QRICH2: variants seen among roughly 807,000 people sequenced by gnomAD.
QRICH2 encodes glutamine rich 2.
In QRICH2, 119 loss-of-function variants were observed where a neutral mutation model predicts 168.3. The ratio of observed to expected loss-of-function variants is 0.71; its 90% CI spans 0.61 to 0.82. The LOEUF (loss-of-function observed/expected upper bound fraction) is 0.82, where lower values mean the gene tolerates loss of function less well. QRICH2 is among the 40% of genes least tolerant of loss of function. QRICH2 has a pLI of 0.00. For synonymous variants in QRICH2, 894 were observed against 951.2 expected (o/e 0.94, Z 1.11); for missense variants, 2,241 against 2,491.6 (o/e 0.90, Z 2.14).
chr17:76,287,239 C>T lies in QRICH2; in HGVS notation c.3964G>A (p.Ala1322Thr), dbSNP rs1264330588. 7 of 1,614,004 alleles carry T rather than the reference C, an allele frequency of 4.3e-6. No homozygotes were observed. Among genetic ancestry groups the T allele is most frequent in the Non-Finnish European group, 5.9e-6 (7 of 1,180,016 alleles). The change falls in exon 7 of 19, where the codon GCC becomes ACC. Residue 1322 changes from alanine (A) to threonine (T), a missense_variant. Physicochemically the swap from Ala to Thr is moderately conservative, Grantham distance 58. Coordinates refer to ENST00000680821, the MANE Select transcript of QRICH2 (RefSeq NM_001388453.1). ...LRESQDRGKA[A>T]MENSVSEASL... is the part of the protein sequence containing the mutation. ...GCTTCAGAGACAGAATTTTCCATGGCAGCCTTGCCCCTGTCTTGGCTCTCC... is the reference window on the plus strand; with the variant it reads ...GCTTCAGAGACAGAATTTTCCATGGTAGCCTTGCCCCTGTCTTGGCTCTCC...
Position 76,293,266 on chromosome 17 carries a change from T to G in QRICH2, c.1461A>C (p.Pro487=), listed in dbSNP as rs149339101. 283 of 1,613,938 alleles carry G rather than the reference T, an allele frequency of 1.8e-4. No homozygotes were observed. Among genetic ancestry groups the G allele is most frequent in the Middle Eastern group, 4.9e-4 (3 of 6,084 alleles). ...CACATCCACGCTGATCCATGCCAAG[T>G]GGTTCCATACTGCGTTGGTCTGTGC... ...FPGTDQRSME[P]LGMDQRGCVI... Residue 487 remains proline (P), a synonymous_variant, in exon 4 of 19, where the codon CCA becomes CCC. Transcript: ENST00000680821.
intron 5 of QRICH2, among the ~76,000 whole-genome samples, chr17:76,288,691 C>A (rs541620450): frequency 6.6e-6 from 1 of 151,308 alleles, no homozygotes; most frequent in Non-Finnish European, 1.5e-5. Flanking sequence ...GGCAACAGAG[C>A]GAGACTCCGT....
Position 76,291,920 on chromosome 17 carries a change from G to A in QRICH2, c.2807C>T (p.Ala936Val), listed in dbSNP as rs1466180710. 6.2e-7 allele frequency: 1 copy of A among 1,614,050 alleles called. No homozygotes were observed. Among genetic ancestry groups the A allele is most frequent in the South Asian group, 1.1e-5 (1 of 91,080 alleles). The stretch of plus-strand genomic sequence containing the variant: ...AGGTTGTACCAAACCAAGAGGATAG[G>A]CACCAGGTTGTACCAGGCCATGTGG... Reference protein sequence around the residue: ...ADPHGLVQPGAYPLGLVQPGA... With the variant: ...ADPHGLVQPGVYPLGLVQPGA... Residue 936 changes from alanine to valine, a missense_variant, in exon 4 of 19, where the codon GCC becomes GTC. Physicochemically the swap from Ala to Val is moderately conservative, Grantham distance 64. Transcript: ENST00000680821.
At position 76,280,438 on chromosome 17, in the gene QRICH2, C is replaced by T; in HGVS notation, c.4475G>A (p.Ser1492Asn). The T allele has an allele frequency of 6.2e-7, 1 of 1,613,932 alleles. No individual in the cohort carries two copies. The highest frequency in any genetic ancestry group is 8.5e-7 in the Non-Finnish European group (1 of 1,179,936). ...ACGGCTCACTTTGGTGGCCAGAGCA[C>T]TCTTGTCGGCTTTCTGCCCAGAGAC... Reference protein sequence around the residue: ...EMEIDVKADKSALATKVSRVQ... With the variant: ...EMEIDVKADKNALATKVSRVQ... The change falls in exon 11 of 19, where the codon AGT (serine) becomes AAT (asparagine). Residue 1492 changes from serine to asparagine, a missense_variant. By Grantham distance (46) the Ser-to-Asn change is conservative (BLOSUM62 1). This residue lies in a region of QRICH2 where 2,047 missense variants were observed against 2,303.8 expected (regional missense o/e 0.89). Transcript: ENST00000680821. The surrounding 1 kb of genome is among the most constrained non-coding windows in gnomAD (Gnocchi z 7.4).
At chr17:76,301,723 GAC>G (rs2070903917) in intron 3 of QRICH2, among the ~76,000 whole-genome samples, 1 of 39,362 alleles carries the variant, frequency 2.5e-5, no homozygotes, top group Non-Finnish European at 4.0e-5. Context: ...TTTTTTTTGA[GAC>G]AGGGTCTCAC....
Position 76,280,037 on chromosome 17 carries a change from G to T in QRICH2, c.4744C>A (p.Arg1582=). The T allele has an allele frequency of 1.2e-6, 2 of 1,609,482 alleles. No homozygotes were observed. The highest frequency in any genetic ancestry group is 8.5e-7 in the Non-Finnish European group (1 of 1,177,878). The change falls in exon 12 of 19, where the codon CGG becomes AGG. Residue 1582 remains arginine, a synonymous_variant. Coordinates refer to ENST00000680821, the MANE Select transcript of QRICH2 (RefSeq NM_001388453.1). This position sits in a 1 kb window ranked among gnomAD's most constrained non-coding sequence, Gnocchi z 7.4. ...CCCCTGCCTCCCAGGCCTCACCTCC[G>T]CATGGCAGCCGCCTCGTCTGCCTGG... is the stretch of plus-strand genomic sequence containing the variant. The part of the protein sequence containing the change: ...LYQADEAAAM[R]RQLLAHFHCL...
chr17:76,292,331 C>A lies in QRICH2; in HGVS notation c.2396G>T (p.Arg799Leu). Residue 799 changes from arginine to leucine, a missense_variant, in exon 4 of 19, where the codon CGT (arginine) becomes CTT (leucine). Coordinates refer to ENST00000680821, the MANE Select transcript of QRICH2 (RefSeq NM_001388453.1). The part of the protein sequence containing the change: ...RSLVQPGIVQ[R>L]GLVQPGAVQR... The stretch of plus-strand genomic sequence containing the variant: ...AACTGCACCAGGTTGCACCAAACCA[C>A]GCTGAACTATACCAGGTTGCACCAA... 1 of 772,692 alleles carries A rather than the reference C, an allele frequency of 1.3e-6. No individual in the cohort carries two copies. Among genetic ancestry groups the A allele is most frequent in the Non-Finnish European group, 1.6e-6 (1 of 606,936 alleles). The allele number at this position is 772,692 out of a possible 1,614,324, so 47.9% of individuals were successfully genotyped here.
intron 1 of QRICH2, 94 bp from the exon 2 acceptor site, chr17:76,305,035 ACT>A (rs2070969903): frequency 9.5e-6 from 8 of 845,042 alleles, no homozygotes. Flanking sequence ...ACACTCTCAC[ACT>A]CAGACACACA....
intron 3 of QRICH2, among the ~76,000 whole-genome samples, chr17:76,298,345 AT>A (rs1347545212): frequency 1.4e-5 from 2 of 146,414 alleles, no homozygotes; most frequent in East Asian, 2.1e-4. Context: ...CGCCCGGATA[AT>A]TTTTTTGTAT....
chr17:76,297,381 C>G (rs2070813670), intron 3 of QRICH2, among the ~76,000 whole-genome samples: 1 of 152,126 alleles, frequency 6.6e-6, no homozygotes, highest in Admixed American at 6.6e-5. Context: ...GTGGCACACA[C>G]CTGTAATCCC....
At chr17:76,275,450 C>T (rs906389327) in intron 18 of QRICH2, among the ~76,000 whole-genome samples, 3 of 152,164 alleles carry the variant, frequency 2.0e-5, no homozygotes, top group East Asian at 1.9e-4. Flanking sequence ...ATGACAGGGT[C>T]GTGGCCTCTT....
intron 15 of QRICH2, among the ~76,000 whole-genome samples, chr17:76,277,723 C>G (rs745978596): frequency 1.3e-5 from 2 of 151,882 alleles, no homozygotes; most frequent in African/African-American, 4.8e-5. Context: ...CAAACACCCA[C>G]ACTCACGCAC....
At chr17:76,304,189 T>C (rs955621402) in intron 3 of QRICH2, among the ~76,000 whole-genome samples, 1 of 152,174 alleles carries the variant, frequency 6.6e-6, no homozygotes, top group Non-Finnish European at 1.5e-5. Context: ...AGGCAATTTA[T>C]CAATGGCTAG....
At chr17:76,288,412 A>AAAAG (rs1241926180) in intron 5 of QRICH2, among the ~76,000 whole-genome samples, 6 of 140,570 alleles carry the variant, frequency 4.3e-5, no homozygotes, top group African/African-American at 1.7e-4. Flanking sequence ...AAAAAAAAAA[A>AAAAG]GGAATGACTG....
intron 12 of QRICH2, 89 bp from the exon 13 acceptor site, chr17:76,279,517 G>C: frequency 1.0e-6 from 1 of 986,768 alleles, no homozygotes; most frequent in Non-Finnish European, 1.6e-6. Flanking sequence ...TGGAAGCTCA[G>C]CCCACCAGGG....
rs138810402 is a variant in QRICH2 at position 76,304,261 on chromosome 17, T to C, written c.705+154A>G. On this transcript the variant is annotated intron_variant, in intron 3 of 18. Transcript: ENST00000680821. ...TGTTATTCACACGTGAATGACACCT[T>C]GTTCTTAAGATTGGAAAAAGCATTT... Among the ~76,000 whole-genome samples the C allele has an allele frequency of 4.8e-3, 734 of 152,348 alleles. 10 individuals carry two copies. Among genetic ancestry groups the C allele is most frequent in the African/African-American group, 0.017 (687 of 41,582 alleles).
chr17:76,279,425 C>T lies in QRICH2; in HGVS notation c.4752G>A (p.Gln1584=). ...QADEAAAMRR[Q]LLAHFHCLSC... ...AGAGGCAGTGGAAATGTGCCAGGAGCTGCCTGTTAGGAATGGGACGCACAC... is the reference window on the plus strand; with the variant it reads ...AGAGGCAGTGGAAATGTGCCAGGAGTTGCCTGTTAGGAATGGGACGCACAC... The change falls in exon 13 of 19, where the codon CAG becomes CAA. Residue 1584 remains glutamine (Q), a synonymous_variant. Coordinates refer to ENST00000680821, the MANE Select transcript of QRICH2 (RefSeq NM_001388453.1). The T allele has an allele frequency of 6.2e-7, 1 of 1,610,612 alleles. No homozygotes were observed. The highest frequency in any genetic ancestry group is 1.3e-5 in the African/African-American group (1 of 74,960).
chr17:76,279,546 T>A, intron 12 of QRICH2, 118 bp from the exon 13 acceptor site: 1 of 732,558 alleles, frequency 1.4e-6, no homozygotes, highest in Non-Finnish European at 2.3e-6. Context: ...ATGTCCCTGC[T>A]CCCCAGGAAT....
intron 17 of QRICH2, 83 bp downstream of exon 17, chr17:76,276,597 C>T: frequency 1.0e-6 from 1 of 955,584 alleles, no homozygotes; most frequent in South Asian, 1.4e-5. Flanking sequence ...GTCTAGTGGC[C>T]CATAAAAGTG....
Sources: allele counts gnomAD v4.1 joint callset (sites outside exome capture counted in the v4.1 genomes callset), GRCh38; gene constraint gnomAD v4.1.1; regional missense constraint gnomAD v4.1.1; non-coding constraint Gnocchi (gnomAD v3.1); transcripts MANE v1.5; gene names NCBI Gene and HGNC (gene_info 2026-07-23, HGNC 2026-07-21).